The following PCBD2 variants were observed in gnomAD, a reference collection of about 807,000 sequenced individuals.
The protein encoded by PCBD2 is pterin-4-alpha-carbinolamine dehydratase 2.
A neutral mutation model predicts 16.4 loss-of-function variants in PCBD2; 12 were observed. The ratio of observed to expected loss-of-function variants is 0.73; its 90% CI spans 0.47 to 1.19. PCBD2 has a LOEUF of 1.19. Among genes scored for constraint, PCBD2 ranks in the 50% most tolerant of loss-of-function variants. The pLI is 0.00. For synonymous variants in PCBD2, 58 were observed against 61.8 expected, an observed-to-expected ratio of 0.94 and a Z score of 0.29; for missense variants, 138 against 156.8, an observed-to-expected ratio of 0.88 and a Z score of 0.64.
At position 134,910,364 on chromosome 5, in the gene PCBD2, G is replaced by T. The variant is rs1750753258; in HGVS notation, c.114G>T (p.Glu38Asp). The change falls in exon 2 of 4, where the codon GAG becomes GAT. Residue 38 changes from glutamate (E) to aspartate (D), a missense_variant. Coordinates refer to ENST00000254908, the MANE Select transcript of PCBD2 (RefSeq NM_032151.5). The part of the protein sequence containing the change: ...MSSGTHRLTA[E>D]ERNQAILDLK... ...CAGGTACTCACAGGTTGACTGCAGA[G>T]GAGAGGAACCAAGCTATACTTGACC... The T allele has an allele frequency of 7.4e-6, 12 of 1,614,070 alleles. 1 individual carries two copies. The East Asian group carries it at 2.7e-4, about 36-fold the overall frequency.
chr5:134,939,587 A>G lies in PCBD2; in HGVS notation c.217-19453A>G, dbSNP rs371678410. ...TGTACAGACAACCTCCATTCTTAAA[A>G]CTTTAAATGCATCTAAGGAAGGGAC... On this transcript the variant is annotated intron_variant, in intron 2 of 3. Transcript: ENST00000254908. Among the ~76,000 whole-genome samples, 288 of 152,078 alleles carry G rather than the reference A, an allele frequency of 1.9e-3. 2 individuals are homozygous for G. The highest frequency in any genetic ancestry group is 3.7e-3 in the South Asian group (18 of 4,818).
chr5:134,911,231 C>T (rs978269073), intron 2 of PCBD2, among the ~76,000 whole-genome samples: 1 of 152,218 alleles, frequency 6.6e-6, no homozygotes, highest in African/African-American at 2.4e-5. Context: ...TCTCAGTCAT[C>T]TCCCAGGCTG....
chr5:134,948,418 C>A (rs995571162), intron 2 of PCBD2, among the ~76,000 whole-genome samples: 2 of 151,980 alleles, frequency 1.3e-5, no homozygotes, highest in African/African-American at 4.8e-5. Flanking sequence ...AAATGAAGGG[C>A]CTTTTGGTAA....
intron 2 of PCBD2, among the ~76,000 whole-genome samples, chr5:134,933,569 A>C (rs564156787): frequency 3.9e-5 from 6 of 152,308 alleles, no homozygotes; most frequent in African/African-American, 1.4e-4. Context: ...GAGATATATA[A>C]ATTATTCCAT....
intron 3 of PCBD2, 28 bp downstream of exon 3, chr5:134,959,148 A>C: frequency 6.6e-7 from 1 of 1,515,336 alleles, no homozygotes; most frequent in East Asian, 2.3e-5. Context: ...TTTGGGAATC[A>C]CCTTAATTAT....
At chr5:134,940,872 G>A (rs778013816) in intron 2 of PCBD2, among the ~76,000 whole-genome samples, 1 of 152,022 alleles carries the variant, frequency 6.6e-6, no homozygotes, top group African/African-American at 2.4e-5. Context: ...GTTCACGCCT[G>A]TAATCCCAGC....
Position 134,960,685 on chromosome 5 carries a change from C to G in PCBD2, c.*4C>G. ...AAAAGCAGCTGCTTCTGTGTGATTT[C>G]TTCCAAAATACATGTAAAATCTTGT... is the stretch of plus-strand genomic sequence containing the variant. On this transcript the variant is annotated 3_prime_UTR_variant, in exon 4 of 4. Transcript: ENST00000254908. 6.3e-7 allele frequency: 1 copy of G among 1,597,336 alleles called. No homozygotes were observed. Among genetic ancestry groups the G allele is most frequent in the South Asian group, 1.1e-5 (1 of 90,324 alleles).
rs552345880 is a variant in PCBD2 at position 134,920,452 on chromosome 5, A to T, written c.216+9986A>T. On this transcript the variant is annotated intron_variant, in intron 2 of 3. Transcript: ENST00000254908. ...TTGCTGGATTAGTTTTCTCCCTTAAATGGGTTTTACCATACTTCCCAGAGG... is the reference window on the plus strand; with the variant it reads ...TTGCTGGATTAGTTTTCTCCCTTAATTGGGTTTTACCATACTTCCCAGAGG... Among the ~76,000 whole-genome samples the T allele has an allele frequency of 3.9e-5, 6 of 152,310 alleles. No homozygotes were observed. In the East Asian group the frequency reaches 9.7e-4, roughly 25 times the overall value.
At chr5:134,906,423 C>T (rs1465049788) in intron 1 of PCBD2, among the ~76,000 whole-genome samples, 1 of 151,898 alleles carries the variant, frequency 6.6e-6, no homozygotes, top group Non-Finnish European at 1.5e-5. Flanking sequence ...CCAGGATGGT[C>T]TCGATCTCCT....
At chr5:134,920,831 A>G (rs1750895141) in intron 2 of PCBD2, among the ~76,000 whole-genome samples, 1 of 152,106 alleles carries the variant, frequency 6.6e-6, no homozygotes, top group Non-Finnish European at 1.5e-5. Context: ...AATTTTTTGT[A>G]TTTTTAGTAG....
chr5:134,914,832 CA>C (rs1432525809), intron 2 of PCBD2, among the ~76,000 whole-genome samples: 1 of 152,062 alleles, frequency 6.6e-6, no homozygotes, highest in African/African-American at 2.4e-5. Context: ...CCATCATGCC[CA>C]GCTAATTTTT....
intron 2 of PCBD2, chr5:134,926,020 A>G (rs1750989202): frequency 2.6e-6 from 1 of 378,618 alleles, no homozygotes; most frequent in Admixed American, 4.6e-5. Flanking sequence ...TATAATTCCT[A>G]CGCCTTCTCA....
chr5:134,948,171 T>G (rs1227073345), intron 2 of PCBD2, among the ~76,000 whole-genome samples: 1 of 152,160 alleles, frequency 6.6e-6, no homozygotes, highest in Non-Finnish European at 1.5e-5. Flanking sequence ...ACTGAAAGAT[T>G]GTGAGAAATT....
At chr5:134,958,798 T>A (rs2149541570) in intron 2 of PCBD2, among the ~76,000 whole-genome samples, 1 of 152,304 alleles carries the variant, frequency 6.6e-6, no homozygotes, top group East Asian at 1.9e-4. Flanking sequence ...GGTCACTAGG[T>A]GAGACCAATT....
At chr5:134,917,522 C>T (rs1233338832) in intron 2 of PCBD2, among the ~76,000 whole-genome samples, 1 of 152,012 alleles carries the variant, frequency 6.6e-6, no homozygotes, top group African/African-American at 2.4e-5. Context: ...TGGTTCTCTG[C>T]GGAGGAGCTC....
chr5:134,919,205 T>C (rs1444468003), intron 2 of PCBD2, among the ~76,000 whole-genome samples: 1 of 152,226 alleles, frequency 6.6e-6, no homozygotes, highest in African/African-American at 2.4e-5. Context: ...TGTCTTGCCC[T>C]TTTACAGATG....
intron 2 of PCBD2, among the ~76,000 whole-genome samples, chr5:134,941,560 A>C (rs2149537566): frequency 6.6e-6 from 1 of 152,334 alleles, no homozygotes; most frequent in South Asian, 2.1e-4. Context: ...TCTCTCTTCT[A>C]CATGAAACCA....
At chr5:134,937,707 C>T (rs547404301) in intron 2 of PCBD2, among the ~76,000 whole-genome samples, 1 of 152,328 alleles carries the variant, frequency 6.6e-6, no homozygotes, top group East Asian at 1.9e-4. Flanking sequence ...TGCTTCCTGT[C>T]AGAATGGATT....
At chr5:134,909,172 C>T (rs1301192552) in intron 1 of PCBD2, among the ~76,000 whole-genome samples, 1 of 152,190 alleles carries the variant, frequency 6.6e-6, no homozygotes, top group African/African-American at 2.4e-5. Context: ...GAATGTCATC[C>T]CCAGGATGCG....
Sources: gnomAD v4.1 joint callset for allele counts (sites outside exome capture counted in the v4.1 genomes callset) on GRCh38, gnomAD v4.1.1 for gene constraint, MANE v1.5 for transcripts, NCBI Gene and HGNC (gene_info 2026-07-23, HGNC 2026-07-21) for gene names.